MEIOC: variants seen among roughly 807,000 people sequenced by gnomAD.
MEIOC encodes meiosis-specific coiled-coil domain-containing protein MEIOC.
Under a neutral mutation model 85.3 loss-of-function variants are expected in MEIOC, and 9 were observed. The observed-to-expected ratio is 0.11, with a 90% CI of 0.06 to 0.18. The LOEUF is 0.18. Among genes scored for constraint, MEIOC ranks in the 10% least tolerant of loss-of-function variants. The pLI, the probability that MEIOC is intolerant of heterozygous loss-of-function variation, is 1.00. For missense variants in MEIOC, 898 were observed against 1,129.4 expected, an observed-to-expected ratio of 0.80 and a Z score of 2.94; for synonymous variants, 365 against 393.7, an observed-to-expected ratio of 0.93 and a Z score of 0.86.
At chr17:44,671,296 A>G (rs1333575945) in intron 6 of MEIOC, 1 of 152,092 alleles carries the variant, frequency 6.6e-6, no homozygotes, top group Non-Finnish European at 1.5e-5. Context: ...GAAGGATGAC[A>G]TACTGTGGAT....
chr17:44,671,347 A>G lies in MEIOC; in HGVS notation c.2457+1830A>G, dbSNP rs539418512. On this transcript the variant is annotated intron_variant, in intron 6 of 7. Transcript: ENST00000409122. ...CCAGCTTTGCTTATGCTTCACATTA[A>G]TTTAGAAGGATATGTTTATGCCTGT... 3 of 152,196 alleles carry G rather than the reference A, an allele frequency of 2.0e-5. No homozygotes were observed. The South Asian group carries it at 6.2e-4, about 32-fold the overall frequency. 9.4% of individuals were successfully genotyped at this position (152,196 alleles called of 1,614,324 possible).
chr17:44,662,756 A>G (rs944321494), intron 3 of MEIOC, among the ~76,000 whole-genome samples: 1 of 152,236 alleles, frequency 6.6e-6, no homozygotes, highest in Non-Finnish European at 1.5e-5. Context: ...GGCTCAAGCC[A>G]TACTCCTGCC....
At chr17:44,662,784 T>G (rs932707371) in intron 3 of MEIOC, among the ~76,000 whole-genome samples, 90 of 152,314 alleles carry the variant, frequency 5.9e-4, no homozygotes, top group African/African-American at 2.0e-3. Flanking sequence ...CCACAGTAGC[T>G]GGGACTACAG....
Position 44,675,023 on chromosome 17 carries a change from T to G in MEIOC, c.*827T>G. Reference sequence around the variant, plus strand: ...GTAACTGAAATAATGACTACTGTTTTAATACCCTTAGTTTGCTGCCTTTTA... The same window carrying G: ...GTAACTGAAATAATGACTACTGTTTGAATACCCTTAGTTTGCTGCCTTTTA... On this transcript the variant is annotated 3_prime_UTR_variant, in exon 8 of 8. Transcript: ENST00000409122. 1 of 984,978 alleles carries G rather than the reference T, an allele frequency of 1.0e-6. No individual in the cohort carries two copies. Among genetic ancestry groups the G allele is most frequent in the East Asian group, 1.1e-4 (1 of 8,834 alleles). 61.0% of individuals were successfully genotyped at this position (984,978 alleles called of 1,614,324 possible). A position where few individuals can be genotyped will look rare whatever the true frequency, so the allele number is the denominator to read the frequency against.
downstream of MEIOC, chr17:44,677,076 C>T: frequency 2.3e-6 from 1 of 441,960 alleles, no homozygotes; most frequent in Non-Finnish European, 3.0e-6. Flanking sequence ...CCTTCAGTGA[C>T]AAAAATCAAG....
At position 44,666,774 on chromosome 17, in the gene MEIOC, A is replaced by G. The variant is rs771621297; in HGVS notation, c.863A>G (p.Tyr288Cys). The G allele has an allele frequency of 1.2e-6, 2 of 1,613,526 alleles. No individual in the cohort carries two copies. The highest frequency in any genetic ancestry group is 1.7e-6 in the Non-Finnish European group (2 of 1,179,786). Residue 288 changes from tyrosine to cysteine, a missense_variant, in exon 5 of 8, where the codon TAC becomes TGC. Physicochemically the swap from Tyr to Cys is radical, Grantham distance 194. This residue lies in a region of MEIOC where 734 missense variants were observed against 860.1 expected (regional missense o/e 0.85). Transcript: ENST00000409122. The part of the protein sequence containing the change: ...DIMKESGVDI[Y>C]HYGRDRICTK... Reference sequence around the variant, plus strand: ...ATGAAAGAATCAGGAGTTGATATCTACCATTATGGAAGAGACAGAATATGT... The same window carrying G: ...ATGAAAGAATCAGGAGTTGATATCTGCCATTATGGAAGAGACAGAATATGT...
At chr17:44,668,299 CT>C in intron 5 of MEIOC, 66 bp downstream of exon 5, 1 of 1,379,714 alleles carries the variant, frequency 7.2e-7, no homozygotes, top group Non-Finnish European at 9.9e-7. Flanking sequence ...TTCTGTTTAC[CT>C]TAGTGTAGTG....
At position 44,667,519 on chromosome 17, in the gene MEIOC, C is replaced by T; in HGVS notation, c.1608C>T (p.Cys536=). 1 of 1,613,850 alleles carries T rather than the reference C, an allele frequency of 6.2e-7. No homozygotes were observed. The highest frequency in any genetic ancestry group is 8.5e-7 in the Non-Finnish European group (1 of 1,179,840). ...TPNSNLFQKY[C]QENPSAFSSF... ...ATAGCAATTTATTTCAGAAATATTG[C>T]CAAGAAAACCCTTCAGCATTTTCTA... The change falls in exon 5 of 8, where the codon TGC becomes TGT. Residue 536 remains cysteine (C), a synonymous_variant. Coordinates refer to ENST00000409122, the MANE Select transcript of MEIOC (RefSeq NM_001145080.3).
At position 44,656,548 on chromosome 17, in the gene MEIOC, C is replaced by A; in HGVS notation, c.-66C>A. The A allele has an allele frequency of 2.4e-6, 3 of 1,250,080 alleles. No individual in the cohort carries two copies. Among genetic ancestry groups the A allele is most frequent in the Non-Finnish European group, 3.1e-6 (3 of 956,400 alleles). 77.4% of individuals were successfully genotyped at this position (1,250,080 alleles called of 1,614,324 possible). Reference sequence around the variant, plus strand: ...GCGGGCTGAGGGAGCCGGGCCTGGACGCCCCCCCCATCACCCCCGTACCCC... The same window carrying A: ...GCGGGCTGAGGGAGCCGGGCCTGGAAGCCCCCCCCATCACCCCCGTACCCC... On this transcript the variant is annotated 5_prime_UTR_variant, in exon 1 of 8. Transcript: ENST00000409122.
chr17:44,656,778 G>A, intron 1 of MEIOC, 96 bp downstream of exon 1: 1 of 882,178 alleles, frequency 1.1e-6, no homozygotes, highest in Non-Finnish European at 1.6e-6. Context: ...CCTAGACGGG[G>A]CGGCAGAGGC....
chr17:44,668,033 G>A lies in MEIOC; in HGVS notation c.2122G>A (p.Asp708Asn). 6.2e-7 allele frequency: 1 copy of A among 1,613,474 alleles called. No individual in the cohort carries two copies. The highest frequency in any genetic ancestry group is 8.5e-7 in the Non-Finnish European group (1 of 1,179,578). The change falls in exon 5 of 8, where the codon GAC (aspartate) becomes AAC (asparagine). Residue 708 changes from aspartate to asparagine, a missense_variant. Asp to Asn is a conservative substitution (Grantham distance 23). This residue lies in a region of MEIOC where 734 missense variants were observed against 860.1 expected (regional missense o/e 0.85). Transcript: ENST00000409122. ...AGTTGTTCCACTGTTGGATTCCTAT[G>A]ACTTACTTTCTTATGATGACTTAAG... ...HSVVPLLDSY[D>N]LLSYDDLSHL...
At chr17:44,673,632 G>C in intron 7 of MEIOC, 86 bp downstream of exon 7, 1 of 1,151,154 alleles carries the variant, frequency 8.7e-7, no homozygotes, top group Non-Finnish European at 1.2e-6. Flanking sequence ...TGAAAGATTA[G>C]ATTTCTAAAA....
Position 44,656,607 on chromosome 17 carries a change from G to A in MEIOC, c.-7G>A, listed in dbSNP as rs1598722701. On this transcript the variant is annotated 5_prime_UTR_variant, in exon 1 of 8. Transcript: ENST00000409122. ...TGCCTAGTCCAGGAGAGGCTGGGGG[G>A]CGCCCCATGGAGGTGAGACGCGGAG... 1.4e-6 allele frequency: 2 copies of A among 1,473,416 alleles called. No homozygotes were observed. The allele number at this position is 1,473,416 out of a possible 1,614,324, so 91.3% of individuals were successfully genotyped here.
chr17:44,668,389 TG>T (rs1376110579), intron 5 of MEIOC, among the ~76,000 whole-genome samples, 156 bp downstream of exon 5: 1 of 152,226 alleles, frequency 6.6e-6, no homozygotes, highest in Non-Finnish European at 1.5e-5. Context: ...TTGCCCAGGC[TG>T]GAGTACAGTG....
chr17:44,668,364 C>A (rs1971944181), intron 5 of MEIOC, 131 bp downstream of exon 5: 1 of 862,440 alleles, frequency 1.2e-6, no homozygotes, highest in Non-Finnish European at 1.7e-6. Context: ...TTTAAAGAGA[C>A]AGAGTCTCGC....
intron 6 of MEIOC, chr17:44,670,403 T>A (rs1351933794): frequency 6.6e-6 from 1 of 151,806 alleles, no homozygotes; most frequent in African/African-American, 2.4e-5. Flanking sequence ...ACTGAAAGAA[T>A]TTTTTAAAAA....
intron 2 of MEIOC, among the ~76,000 whole-genome samples, chr17:44,658,368 T>G (rs1341973040): frequency 1.3e-5 from 2 of 150,168 alleles, no homozygotes; most frequent in East Asian, 2.0e-4. Flanking sequence ...TGTTAGCCAG[T>G]ATGGTCTCGA....
intron 4 of MEIOC, among the ~76,000 whole-genome samples, 170 bp downstream of exon 4, chr17:44,665,658 A>C (rs1299016513): frequency 6.6e-6 from 1 of 152,270 alleles, no homozygotes; most frequent in East Asian, 1.9e-4. Context: ...TTGCTATATA[A>C]TTGGAAGTTC....
chr17:44,669,669 G>T, intron 6 of MEIOC, 152 bp downstream of exon 6: 1 of 679,538 alleles, frequency 1.5e-6, no homozygotes, highest in Non-Finnish European at 2.5e-6. Flanking sequence ...AGACCAGCCT[G>T]GCCATTATGG....
Sources: allele counts gnomAD v4.1 joint callset (sites outside exome capture counted in the v4.1 genomes callset), GRCh38; gene constraint gnomAD v4.1.1; regional missense constraint gnomAD v4.1.1; transcripts MANE v1.5; gene names NCBI Gene and HGNC (gene_info 2026-07-23, HGNC 2026-07-21).